Variants in RAB17 observed in about 807,000 individuals in gnomAD.
RAB17 encodes the protein ras-related protein Rab-17.
Under a neutral mutation model 19.3 loss-of-function variants are expected in RAB17, and 15 were observed. The observed-to-expected ratio is 0.78, with a 90% CI of 0.52 to 1.20. The LOEUF is 1.20. RAB17 is among the 50% of genes most tolerant of loss of function. The pLI is 0.00. For missense variants in RAB17, 262 were observed against 269.3 expected, an observed-to-expected ratio of 0.97 and a Z score of 0.19; for synonymous variants, 110 against 112.8, an observed-to-expected ratio of 0.97 and a Z score of 0.16.
At chr2:237,586,735 G>A (rs1037394024) in intron 1 of RAB17, among the ~76,000 whole-genome samples, 4 of 152,094 alleles carry the variant, frequency 2.6e-5, no homozygotes, top group Admixed American at 6.5e-5. Flanking sequence ...AAACGTGGGC[G>A]ACCCCTGCGT....
chr2:237,580,512 G>A (rs1208160754), intron 2 of RAB17, among the ~76,000 whole-genome samples: 1 of 152,220 alleles, frequency 6.6e-6, no homozygotes, highest in East Asian at 1.9e-4. Flanking sequence ...AGGCCGAGGT[G>A]GGTAGATCAC....
At chr2:237,586,256 G>T in intron 1 of RAB17, 99 bp from the exon 2 acceptor site, 1 of 1,298,724 alleles carries the variant, frequency 7.7e-7, no homozygotes, top group Non-Finnish European at 1.0e-6. Context: ...GGAGCAGATG[G>T]CCCAATACAG....
rs942715012 is a variant in RAB17, at chr2:237,574,630, C to G, written c.*389G>C. On this transcript the variant is annotated 3_prime_UTR_variant, in exon 6 of 6. Coordinates refer to ENST00000264601, the MANE Select transcript of RAB17 (RefSeq NM_022449.4). ...CCCCAGAAGCAGGTGGGCCCAGGCT[C>G]CAGGCCAGTGCCCCCATCAAGATCA... is the stretch of plus-strand genomic sequence containing the variant. 1 of 1,511,886 alleles carries G rather than the reference C, an allele frequency of 6.6e-7. No homozygotes were observed. Among genetic ancestry groups the G allele is most frequent in the East Asian group, 2.5e-5 (1 of 39,774 alleles). The allele number at this position is 1,511,886 out of a possible 1,614,324, so 93.7% of individuals were successfully genotyped here. A position where few individuals can be genotyped will look rare whatever the true frequency, so the allele number is the denominator to read the frequency against.
intron 1 of RAB17, 139 bp from the exon 2 acceptor site, chr2:237,586,296 A>T: frequency 1.3e-6 from 1 of 774,492 alleles, no homozygotes; most frequent in Non-Finnish European, 1.9e-6. Context: ...ACCTAGGTCC[A>T]CACTCCTGCT....
intron 4 of RAB17, 24 bp from the exon 5 acceptor site, chr2:237,575,504 C>T (rs1053561730): frequency 6.4e-7 from 1 of 1,570,534 alleles, no homozygotes; most frequent in Middle Eastern, 1.8e-4. Context: ...CCACAAAATC[C>T]AGCGCTGTTT....
intron 2 of RAB17, among the ~76,000 whole-genome samples, chr2:237,581,022 T>A (rs963326642): frequency 6.6e-6 from 1 of 152,172 alleles, no homozygotes; most frequent in Non-Finnish European, 1.5e-5. Flanking sequence ...ATGCATTTAT[T>A]ATCATAACCT....
chr2:237,586,739 C>T (rs1054520976), intron 1 of RAB17, among the ~76,000 whole-genome samples: 1 of 152,064 alleles, frequency 6.6e-6, no homozygotes, highest in African/African-American at 2.4e-5. Context: ...GTGGGCGACC[C>T]CTGCGTATTT....
chr2:237,586,228 G>T (rs369485566), intron 1 of RAB17, 71 bp from the exon 2 acceptor site: 5 of 1,492,688 alleles, frequency 3.3e-6, no homozygotes, highest in Non-Finnish European at 4.5e-6. Flanking sequence ...GCTCAACCCC[G>T]GGGCTGCTTC....
At chr2:237,582,096 C>T (rs963364064) in intron 2 of RAB17, among the ~76,000 whole-genome samples, 1 of 150,284 alleles carries the variant, frequency 6.7e-6, no homozygotes, top group Non-Finnish European at 1.5e-5. Context: ...TCCCGTCCCT[C>T]GGACTCCCGT....
At chr2:237,576,850 T>C (rs1182654599) in intron 4 of RAB17, among the ~76,000 whole-genome samples, 1 of 152,188 alleles carries the variant, frequency 6.6e-6, no homozygotes, top group Admixed American at 6.5e-5. Context: ...AAGGGAGCCC[T>C]GCTGAGGAAC....
intron 4 of RAB17, 65 bp downstream of exon 4, chr2:237,577,192 T>G: frequency 6.4e-7 from 1 of 1,558,130 alleles, no homozygotes. Flanking sequence ...TGCCAAGGTC[T>G]TGACACAGGC....
At chr2:237,577,199 A>G in intron 4 of RAB17, 58 bp downstream of exon 4, 1 of 1,561,420 alleles carries the variant, frequency 6.4e-7, no homozygotes, top group Non-Finnish European at 8.7e-7. Context: ...GTCTTGACAC[A>G]GGCGGGCAGG....
chr2:237,574,826 G>A lies in RAB17; in HGVS notation c.*193C>T, dbSNP rs1237358177. On this transcript the variant is annotated 3_prime_UTR_variant, in exon 6 of 6. Transcript: ENST00000264601. ...GATAGGGCACAGCACTTTCCTGGGA[G>A]CCATGTGACGCCAGATCTTCCTCTG... is the stretch of plus-strand genomic sequence containing the variant. 1 of 837,986 alleles carries A rather than the reference G, an allele frequency of 1.2e-6. No individual in the cohort carries two copies. The highest frequency in any genetic ancestry group is 1.8e-6 in the Non-Finnish European group (1 of 568,478). The allele number at this position is 837,986 out of a possible 1,614,324, so 51.9% of individuals were successfully genotyped here. A position where few individuals can be genotyped will look rare whatever the true frequency, so the allele number is the denominator to read the frequency against.
At chr2:237,583,006 G>A (rs954461880) in intron 2 of RAB17, among the ~76,000 whole-genome samples, 4 of 152,226 alleles carry the variant, frequency 2.6e-5, no homozygotes, top group African/African-American at 9.7e-5. Context: ...GGAGGCTGAG[G>A]CAGGAGAATC....
intron 2 of RAB17, among the ~76,000 whole-genome samples, chr2:237,583,806 A>G (rs888013767): frequency 3.9e-5 from 6 of 152,112 alleles, no homozygotes; most frequent in African/African-American, 1.2e-4. Context: ...CCAGGCCTGG[A>G]AGAGAGGGGC....
In RAB17 at chr2:237,574,520, G is replaced by A. The variant is rs2149179655; in HGVS notation, c.*499C>T. 1 of 1,550,562 alleles carries A rather than the reference G, an allele frequency of 6.4e-7. No individual in the cohort carries two copies. Among genetic ancestry groups the A allele is most frequent in the Non-Finnish European group, 8.7e-7 (1 of 1,146,958 alleles). On this transcript the variant is annotated 3_prime_UTR_variant, in exon 6 of 6. Transcript: ENST00000264601. ...TTCCCAGGGGCAACTTCACCAAGAT[G>A]TGGAAATCCTGGGCCCACCCCACAG...
At chr2:237,582,055 G>A (rs2081312714) in intron 2 of RAB17, among the ~76,000 whole-genome samples, 2 of 152,278 alleles carry the variant, frequency 1.3e-5, no homozygotes, top group Non-Finnish European at 2.9e-5. Flanking sequence ...GGCCCTGGCG[G>A]GGGTGGGCGG....
At chr2:237,589,664 AC>A (rs1335549956) in intron 1 of RAB17, among the ~76,000 whole-genome samples, 1 of 152,148 alleles carries the variant, frequency 6.6e-6, no homozygotes, top group Non-Finnish European at 1.5e-5. Flanking sequence ...GTGGCACCTG[AC>A]CCCCACCTCC....
In RAB17 at chr2:237,577,386, G is replaced by A. The variant is rs1559394472; in HGVS notation, c.310-4C>T. On this transcript the variant is annotated splice_region_variant and splice_polypyrimidine_tract_variant and intron_variant, in intron 3 of 5. Transcript: ENST00000264601. ...GCTGAGCCTTGAGGAAGGAATCCTAGAAAAGAAGAAAAAAAGTAACATCAA... is the reference window on the plus strand; with the variant it reads ...GCTGAGCCTTGAGGAAGGAATCCTAAAAAAGAAGAAAAAAAGTAACATCAA... 10 of 1,589,838 alleles carry A rather than the reference G, an allele frequency of 6.3e-6. No individual in the cohort carries two copies. The Admixed American group carries it at 9.0e-5, about 14-fold the overall frequency.
Sources: allele counts gnomAD v4.1 joint callset (sites outside exome capture counted in the v4.1 genomes callset), GRCh38; gene constraint gnomAD v4.1.1; transcripts MANE v1.5; gene names NCBI Gene and HGNC (gene_info 2026-07-23, HGNC 2026-07-21).